DACH2: variants seen among roughly 807,000 people sequenced by gnomAD.
The protein encoded by DACH2 is dachshund homolog 2.
DACH2 carries 17 observed loss-of-function variants against 35.8 expected under a neutral mutation model. The ratio of observed to expected loss-of-function variants is 0.48; its 90% CI spans 0.33 to 0.71. DACH2 has a LOEUF of 0.71. Ranked by LOEUF, DACH2 falls within the 30% of genes least tolerant of loss-of-function variation. DACH2 has a pLI of 0.02. For missense variants in DACH2, 469 were observed against 472.7 expected (o/e 0.99, Z 0.07); for synonymous variants, 195 against 177.3 (o/e 1.10, Z -0.79).
intron 11 of DACH2, among the ~76,000 whole-genome samples, chrX:86,818,865 T>G (rs1422177151): frequency 1.8e-5 from 2 of 110,111 alleles, no homozygotes; most frequent in East Asian, 5.7e-4. Flanking sequence ...TAAAAGGCAC[T>G]TGGAAAAACA....
chrX:86,261,326 A>G (rs956666705), intron 1 of DACH2, among the ~76,000 whole-genome samples: 2 of 112,220 alleles, frequency 1.8e-5, no homozygotes, highest in African/African-American at 6.5e-5. Context: ...AGGTAATCTA[A>G]TGATATAATG....
intron 3 of DACH2, among the ~76,000 whole-genome samples, chrX:86,606,991 TTAG>T (rs1244267326): frequency 8.9e-6 from 1 of 111,922 alleles, no homozygotes; most frequent in Non-Finnish European, 1.9e-5. Flanking sequence ...TGAAATCTAT[TTAG>T]TGTGATATAA....
At chrX:86,676,746 C>G (rs894776510) in intron 4 of DACH2, among the ~76,000 whole-genome samples, 1 of 111,479 alleles carries the variant, frequency 9.0e-6, no homozygotes, top group African/African-American at 3.3e-5. Flanking sequence ...CTGAATTGAT[C>G]AACATTTGTA....
intron 4 of DACH2, among the ~76,000 whole-genome samples, chrX:86,653,028 T>A (rs114087428): frequency 0.011 from 1,238 of 112,143 alleles, 17 homozygotes; most frequent in African/African-American, 0.038. Context: ...CAAAATGGTA[T>A]TTCCTAGGTT....
At chrX:86,477,737 C>T (rs2037870184) in intron 2 of DACH2, among the ~76,000 whole-genome samples, 1 of 110,994 alleles carries the variant, frequency 9.0e-6, no homozygotes, top group African/African-American at 3.3e-5. Flanking sequence ...ATCCTCTCCT[C>T]CTTCTTTCCT....
chrX:86,450,578 G>C (rs773018569), intron 2 of DACH2, among the ~76,000 whole-genome samples: 2 of 110,906 alleles, frequency 1.8e-5, no homozygotes, highest in Non-Finnish European at 3.8e-5. Context: ...ATTCCTTCGG[G>C]TATGTCCCCA....
chrX:86,500,138 C>T (rs745788252), intron 2 of DACH2, among the ~76,000 whole-genome samples: 4 of 111,428 alleles, frequency 3.6e-5, no homozygotes, highest in Admixed American at 9.6e-5. Context: ...TATACATATA[C>T]GTGCACTCAT....
Position 86,616,312 on chromosome X carries a change from T to G in DACH2, c.641-34724T>G, listed in dbSNP as rs147787777. The stretch of plus-strand genomic sequence containing the variant: ...CAGTACTGGGATTGCTGGGTCAAAC[T>G]GCAGTTCTGTTTTCAGATCTTTGAG... On this transcript the variant is annotated intron_variant, in intron 3 of 11. Transcript: ENST00000373125. 4.7e-3 allele frequency among the ~76,000 whole-genome samples: 522 copies of G among 111,970 alleles called. 5 individuals are homozygous for G. Among genetic ancestry groups the G allele is most frequent in the African/African-American group, 0.016 (498 of 30,855 alleles).
At chrX:86,225,685 T>C (rs1256401828) in intron 1 of DACH2, among the ~76,000 whole-genome samples, 1 of 111,009 alleles carries the variant, frequency 9.0e-6, no homozygotes, top group Non-Finnish European at 1.9e-5. Flanking sequence ...CAGTCTTCCT[T>C]TGTAAGATTT....
At chrX:86,293,351 A>C (rs2034355235) in intron 1 of DACH2, among the ~76,000 whole-genome samples, 1 of 110,095 alleles carries the variant, frequency 9.1e-6, no homozygotes. Flanking sequence ...TCCTGAATAC[A>C]GCACACTGAT....
intron 3 of DACH2, among the ~76,000 whole-genome samples, chrX:86,567,556 A>G (rs1186729353): frequency 9.0e-6 from 1 of 111,578 alleles, no homozygotes; most frequent in Non-Finnish European, 1.9e-5. Flanking sequence ...GAATGTGCTT[A>G]CTTTCTCCCT....
At chrX:86,719,943 C>CTT (rs35089560) in intron 6 of DACH2, among the ~76,000 whole-genome samples, 5 of 63,562 alleles carry the variant, frequency 7.9e-5, no homozygotes, top group African/African-American at 3.1e-4. Flanking sequence ...TTTTTTTTTT[C>CTT]TTTTTTTTTT....
intron 1 of DACH2, among the ~76,000 whole-genome samples, chrX:86,254,805 T>TAGAGAGAGAGAGAG (rs1265976523): frequency 9.9e-5 from 6 of 60,797 alleles, no homozygotes; most frequent in African/African-American, 5.5e-4. Context: ...TATATATATA[T>TAGAGAGAGAGAGAG]ATAGAGAGAG....
intron 2 of DACH2, among the ~76,000 whole-genome samples, chrX:86,496,336 A>G (rs928792791): frequency 2.7e-5 from 3 of 110,900 alleles, no homozygotes; most frequent in Admixed American, 1.9e-4. Flanking sequence ...TTGGGCTAGT[A>G]TAAATTTCCA....
chrX:86,702,498 A>G (rs2041155698), intron 5 of DACH2, among the ~76,000 whole-genome samples: 1 of 111,800 alleles, frequency 8.9e-6, no homozygotes, highest in African/African-American at 3.2e-5. Context: ...TGGTTCTGTG[A>G]AAAGATAAAC....
chrX:86,539,203 G>T (rs991800335), intron 3 of DACH2, among the ~76,000 whole-genome samples: 8 of 110,993 alleles, frequency 7.2e-5, no homozygotes, highest in African/African-American at 2.6e-4. Context: ...GGATCTGATG[G>T]TTTTAAAGTG....
At chrX:86,498,711 C>T (rs1001054060) in intron 2 of DACH2, among the ~76,000 whole-genome samples, 1 of 111,935 alleles carries the variant, frequency 8.9e-6, no homozygotes, top group Non-Finnish European at 1.9e-5. Flanking sequence ...TTATGAATTG[C>T]CATAAATTTT....
At chrX:86,325,085 C>T (rs2035089039) in intron 1 of DACH2, among the ~76,000 whole-genome samples, 1 of 46,583 alleles carries the variant, frequency 2.1e-5, no homozygotes, top group African/African-American at 1.7e-4. Context: ...CTTTTCTATG[C>T]ACTGGGAAAG....
intron 4 of DACH2, among the ~76,000 whole-genome samples, chrX:86,659,475 G>T (rs1047334646): frequency 5.4e-5 from 6 of 110,941 alleles, no homozygotes; most frequent in African/African-American, 2.0e-4. Context: ...TTAATAATTT[G>T]AAATGATGTG....
Sources: gnomAD v4.1 joint callset for allele counts (sites outside exome capture counted in the v4.1 genomes callset) on GRCh38, gnomAD v4.1.1 for gene constraint, MANE v1.5 for transcripts, NCBI Gene and HGNC (gene_info 2026-07-23, HGNC 2026-07-21) for gene names.